Variants in ITGA9 observed in about 807,000 individuals in gnomAD.
The protein encoded by ITGA9 is integrin subunit alpha 9, also known as integrin alpha-9.
ITGA9 carries 56 observed loss-of-function variants against 127.8 expected under a neutral mutation model. The observed-to-expected ratio is 0.44, with a 90% CI of 0.35 to 0.55. ITGA9 has a LOEUF of 0.55. ITGA9 is among the 20% of genes least tolerant of loss of function. The pLI, the probability that ITGA9 is intolerant of heterozygous loss-of-function variation, is 0.00. For synonymous variants in ITGA9, 508 were observed against 514.5 expected, an observed-to-expected ratio of 0.99 and a Z score of 0.17; for missense variants, 1,196 against 1,347.1, an observed-to-expected ratio of 0.89 and a Z score of 1.76.
At chr3:37,462,949 G>A (rs1215742486) in intron 1 of ITGA9, among the ~76,000 whole-genome samples, 2 of 152,180 alleles carry the variant, frequency 1.3e-5, no homozygotes, top group African/African-American at 4.8e-5. Context: ...CATAGCTGTA[G>A]CTGGCACACT....
chr3:37,495,278 C>CTA (rs763516105), intron 5 of ITGA9, among the ~76,000 whole-genome samples: 11 of 152,310 alleles, frequency 7.2e-5, no homozygotes, highest in Middle Eastern at 6.8e-3. Flanking sequence ...ACACACAACT[C>CTA]TAACCATTCC....
At chr3:37,512,079 TCC>T (rs1698924961) in intron 8 of ITGA9, among the ~76,000 whole-genome samples, 2 of 98,966 alleles carry the variant, frequency 2.0e-5, no homozygotes, top group East Asian at 3.3e-4. Context: ...TTTCTTTCCT[TCC>T]TTCCTTCCTT....
At chr3:37,524,329 T>C (rs531171596) in intron 12 of ITGA9, among the ~76,000 whole-genome samples, 1 of 152,324 alleles carries the variant, frequency 6.6e-6, no homozygotes, top group Non-Finnish European at 1.5e-5. Flanking sequence ...CAGGAAACAT[T>C]TCTCTAAATT....
intron 27 of ITGA9, among the ~76,000 whole-genome samples, chr3:37,810,261 C>T (rs941511144): frequency 6.6e-6 from 1 of 152,178 alleles, no homozygotes; most frequent in South Asian, 2.1e-4. Context: ...CTGGCCATGC[C>T]GCCGCATTCA....
rs77758154 is a variant in ITGA9 at position 37,684,024 on chromosome 3, G to A, written c.2067+9G>A. 2,476 of 1,612,264 alleles carry A rather than the reference G, an allele frequency of 1.5e-3. 23 individuals are homozygous for A. In the African/African-American group the frequency reaches 0.024, roughly 16 times the overall value. On this transcript the variant is annotated intron_variant, in intron 18 of 27. Coordinates refer to ENST00000264741, the MANE Select transcript of ITGA9 (RefSeq NM_002207.3). ...TCAACATGTGGCAGAAGGTAAGGAG[G>A]GCATCCCTGTAAAAAGAGCAGTTGT...
At position 37,575,639 on chromosome 3, in the gene ITGA9, A is replaced by G. The variant is rs572172046; in HGVS notation, c.1689+33054A>G. ...AGCACCAAGACAGGACCCAAGCCCA[A>G]TTTGTGTTGACTGGGGAATCAGTAC... On this transcript the variant is annotated intron_variant, in intron 15 of 27. Coordinates refer to ENST00000264741, the MANE Select transcript of ITGA9 (RefSeq NM_002207.3). Among the ~76,000 whole-genome samples, 473 of 152,066 alleles carry G rather than the reference A, an allele frequency of 3.1e-3. 1 individual carries two copies. Among genetic ancestry groups the G allele is most frequent in the African/African-American group, 0.011 (450 of 41,470 alleles).
At chr3:37,560,257 C>T (rs1313547848) in intron 15 of ITGA9, among the ~76,000 whole-genome samples, 7 of 152,150 alleles carry the variant, frequency 4.6e-5, no homozygotes, top group African/African-American at 7.2e-5. Context: ...CAGCTTCATC[C>T]GTGTCCCTGC....
At chr3:37,489,301 GT>G (rs1268266434) in intron 4 of ITGA9, among the ~76,000 whole-genome samples, 2 of 152,246 alleles carry the variant, frequency 1.3e-5, no homozygotes, top group Non-Finnish European at 2.9e-5. Context: ...GCATAAGGGA[GT>G]GGCAGAAGCA....
intron 23 of ITGA9, among the ~76,000 whole-genome samples, chr3:37,756,561 C>A (rs1696654712): frequency 6.6e-6 from 1 of 152,180 alleles, no homozygotes; most frequent in Admixed American, 6.5e-5. Flanking sequence ...CCAGCTATGG[C>A]AACCTATAGG....
chr3:37,770,555 C>T (rs1256171608), intron 23 of ITGA9, among the ~76,000 whole-genome samples: 1 of 152,216 alleles, frequency 6.6e-6, no homozygotes, highest in Non-Finnish European at 1.5e-5. Flanking sequence ...CTGACCACCT[C>T]AGCCTGGAAA....
intron 15 of ITGA9, among the ~76,000 whole-genome samples, chr3:37,550,374 G>T (rs970018158): frequency 6.6e-6 from 1 of 152,204 alleles, no homozygotes; most frequent in Non-Finnish European, 1.5e-5. Context: ...CCTTCTCTGT[G>T]TTAAGCATAT....
chr3:37,772,456 A>G (rs1259051761), intron 23 of ITGA9, among the ~76,000 whole-genome samples: 2 of 152,012 alleles, frequency 1.3e-5, no homozygotes, highest in Non-Finnish European at 2.9e-5. Context: ...GCTTCAGGGA[A>G]CTGCTGTGAG....
At chr3:37,748,475 C>T (rs924862126) in intron 22 of ITGA9, 28 of 564,752 alleles carry the variant, frequency 5.0e-5, no homozygotes, top group East Asian at 1.1e-4. Flanking sequence ...GCTGGCGGCA[C>T]AGTAGCTCAC....
chr3:37,685,528 G>A (rs1225553106), intron 18 of ITGA9, among the ~76,000 whole-genome samples: 3 of 152,226 alleles, frequency 2.0e-5, no homozygotes, highest in South Asian at 2.1e-4. Flanking sequence ...TTACAGAATC[G>A]CATGTGCTGT....
intron 13 of ITGA9, among the ~76,000 whole-genome samples, chr3:37,526,843 A>G (rs925777375): frequency 6.6e-6 from 1 of 152,216 alleles, no homozygotes; most frequent in African/African-American, 2.4e-5. Context: ...CACACCCCAG[A>G]TCCTTCTTAT....
intron 1 of ITGA9, among the ~76,000 whole-genome samples, chr3:37,455,249 A>G (rs1371558656): frequency 6.6e-6 from 1 of 152,132 alleles, no homozygotes; most frequent in Non-Finnish European, 1.5e-5. Flanking sequence ...AGTCATTTTC[A>G]ATTATTCGTG....
intron 15 of ITGA9, among the ~76,000 whole-genome samples, chr3:37,609,119 G>A (rs1284667294): frequency 4.6e-5 from 7 of 151,950 alleles, no homozygotes; most frequent in African/African-American, 1.7e-4. Flanking sequence ...CCTGTGAGAC[G>A]GGCCATGCTC....
intron 23 of ITGA9, among the ~76,000 whole-genome samples, chr3:37,763,131 C>A (rs1250412958): frequency 6.6e-6 from 1 of 152,188 alleles, no homozygotes; most frequent in Non-Finnish European, 1.5e-5. Flanking sequence ...AATTTCCAGC[C>A]ATCATGTAGC....
chr3:37,612,721 T>C (rs1700034945), intron 15 of ITGA9, among the ~76,000 whole-genome samples: 2 of 152,272 alleles, frequency 1.3e-5, no homozygotes, highest in Admixed American at 6.5e-5. Flanking sequence ...TGACCATTTA[T>C]GTGATGTGCA....
Sources: allele counts gnomAD v4.1 joint callset (sites outside exome capture counted in the v4.1 genomes callset), GRCh38; gene constraint gnomAD v4.1.1; transcripts MANE v1.5; gene names NCBI Gene and HGNC (gene_info 2026-07-23, HGNC 2026-07-21).